DMD: variants seen among roughly 807,000 people sequenced by gnomAD.
DMD encodes mutant dystrophin.
In DMD, 63 loss-of-function variants were observed where a neutral mutation model predicts 330.1. That is an observed-to-expected ratio of 0.19 (90% CI 0.16 to 0.24). DMD has a LOEUF of 0.24. Ranked by LOEUF, DMD falls within the 10% of genes least tolerant of loss-of-function variation. The pLI, the probability that DMD is intolerant of heterozygous loss-of-function variation, is 1.00. For missense variants in DMD, 3,344 were observed against 2,684.1 expected, an observed-to-expected ratio of 1.25 and a Z score of -5.43; for synonymous variants, 1,223 against 959.8, an observed-to-expected ratio of 1.27 and a Z score of -5.07.
intron 61 of DMD, among the ~76,000 whole-genome samples, chrX:31,333,893 G>A (rs1435243979): frequency 2.9e-4 from 32 of 110,450 alleles, no homozygotes; most frequent in Non-Finnish European, 5.7e-5. Flanking sequence ...CAGAAGGGCG[G>A]TAAGGAGACT....
chrX:31,402,732 G>C (rs1188996757), intron 60 of DMD, among the ~76,000 whole-genome samples: 1 of 111,901 alleles, frequency 8.9e-6, no homozygotes, highest in African/African-American at 3.2e-5. Context: ...AGATCAAACA[G>C]GGTATTTGTG....
At position 32,596,130 on chromosome X, in the gene DMD, A is replaced by G. The variant is rs808541; in HGVS notation, c.1483-254T>C. ...GGTACAGCAGGATGTTCTCCTTCTC[A>G]TCCCACCCCCTTTCTCCCTTTCAAG... On this transcript the variant is annotated intron_variant, in intron 12 of 78. Transcript: ENST00000357033. Among the ~76,000 whole-genome samples the G allele has an allele frequency of 0.52, 56,410 of 109,210 alleles. 11,931 individuals carry two copies. Among genetic ancestry groups the G allele is most frequent in the African/African-American group, 0.8 (24,008 of 29,998 alleles). 94.8% of individuals were successfully genotyped at this position (109,210 alleles called of 115,157 possible). A position where few individuals can be genotyped will look rare whatever the true frequency, so the allele number is the denominator to read the frequency against.
intron 62 of DMD, 67 bp from the exon 63 acceptor site, chrX:31,261,083 GAAAAC>G: frequency 1.0e-6 from 1 of 971,092 alleles, no homozygotes; most frequent in Non-Finnish European, 1.5e-6. Flanking sequence ...CAGGAAAAAA[GAAAAC>G]AACAATAACA....
At chrX:32,903,075 T>C (rs1324975331) in intron 2 of DMD, among the ~76,000 whole-genome samples, 1 of 91,843 alleles carries the variant, frequency 1.1e-5, no homozygotes, top group African/African-American at 4.3e-5. Context: ...GAGAATCCCT[T>C]GAACCCGGGA....
chrX:31,253,632 G>GT (rs1456702737), intron 63 of DMD, among the ~76,000 whole-genome samples: 1 of 111,842 alleles, frequency 8.9e-6, no homozygotes, highest in African/African-American at 3.3e-5. Context: ...GCAAATTGCT[G>GT]ATTTATAATG....
intron 63 of DMD, among the ~76,000 whole-genome samples, chrX:31,240,301 T>A (rs146401575): frequency 7.1e-5 from 8 of 112,202 alleles, no homozygotes; most frequent in African/African-American, 2.3e-4. Flanking sequence ...GGGCATATTT[T>A]TATGTGTATG....
intron 53 of DMD, among the ~76,000 whole-genome samples, chrX:31,675,207 CT>C (rs1296779015): frequency 8.9e-6 from 1 of 112,258 alleles, no homozygotes; most frequent in African/African-American, 3.2e-5. Flanking sequence ...TGTTGATACT[CT>C]ATGCCATCTG....
At chrX:31,491,541 A>G (rs1413439338) in intron 57 of DMD, among the ~76,000 whole-genome samples, 1 of 112,416 alleles carries the variant, frequency 8.9e-6, no homozygotes, top group African/African-American at 3.2e-5. Flanking sequence ...TTGCTAAGGC[A>G]TATTTGAGCT....
intron 45 of DMD, among the ~76,000 whole-genome samples, chrX:31,941,731 G>A (rs1296577188): frequency 9.0e-6 from 1 of 110,851 alleles, no homozygotes; most frequent in Non-Finnish European, 1.9e-5. Flanking sequence ...AGTCCCCAAT[G>A]TCTATTGTTT....
intron 20 of DMD, among the ~76,000 whole-genome samples, chrX:32,490,130 C>T (rs2042855961): frequency 9.0e-6 from 1 of 111,530 alleles, no homozygotes; most frequent in Admixed American, 9.6e-5. Context: ...ACCTTGTCAC[C>T]TTTCCATGTC....
At chrX:31,404,032 A>T (rs754985580) in intron 60 of DMD, among the ~76,000 whole-genome samples, 4 of 110,296 alleles carry the variant, frequency 3.6e-5, no homozygotes, top group Non-Finnish European at 5.7e-5. Flanking sequence ...TCCTACCCCC[A>T]GCCTTCTTCA....
At chrX:33,299,865 C>T (rs778724325) in intron 1 of DMD, among the ~76,000 whole-genome samples, 38 of 111,660 alleles carry the variant, frequency 3.4e-4, no homozygotes, top group Admixed American at 3.2e-3. Flanking sequence ...TTGATGTTTC[C>T]GATGATCCTT....
intron 47 of DMD, among the ~76,000 whole-genome samples, chrX:31,914,741 TGGAGGAGTCGG>T (rs1243527861): frequency 8.9e-6 from 1 of 111,906 alleles, no homozygotes; most frequent in Non-Finnish European, 1.9e-5. Flanking sequence ...GGAAGGATAG[TGGAGGAGTCGG>T]GGAGGGGGCA....
chrX:31,649,030 T>C (rs2080281080), intron 54 of DMD, among the ~76,000 whole-genome samples: 1 of 111,703 alleles, frequency 9.0e-6, no homozygotes, highest in South Asian at 3.7e-4. Flanking sequence ...AATGAAAATA[T>C]AAATATAATT....
In DMD at chrX:31,363,119, A is replaced by G. The variant is rs964460411; in HGVS notation, c.9085-14485T>C. Among the ~76,000 whole-genome samples the G allele has an allele frequency of 2.7e-5, 3 of 112,259 alleles. No individual in the cohort carries two copies. In the South Asian group the frequency reaches 1.1e-3, roughly 41 times the overall value. On this transcript the variant is annotated intron_variant, in intron 60 of 78. Transcript: ENST00000357033. Reference sequence around the variant, plus strand: ...CAGATGATTCTTATCTGTTCACCAAACTAAGGTCTTTAAGGACTTTAACTA... The same window carrying G: ...CAGATGATTCTTATCTGTTCACCAAGCTAAGGTCTTTAAGGACTTTAACTA...
intron 52 of DMD, among the ~76,000 whole-genome samples, chrX:31,719,738 C>T (rs1446340026): frequency 9.0e-6 from 1 of 111,344 alleles, no homozygotes; most frequent in Non-Finnish European, 1.9e-5. Flanking sequence ...CAGGGCAAAA[C>T]TCATAGGTTG....
Position 32,937,007 on chromosome X carries a change from A to C in DMD, c.93+83132T>G, listed in dbSNP as rs1305950046. Among the ~76,000 whole-genome samples the C allele has an allele frequency of 9.8e-5, 11 of 111,686 alleles. No homozygotes were observed. In the East Asian group the frequency reaches 2.8e-3, roughly 29 times the overall value. ...GGGTAGTGTAAGCAAATTATCCCAC[A>C]TTAACTCAATCAGAGTCCCGGTAGA... is the stretch of plus-strand genomic sequence containing the variant. On this transcript the variant is annotated intron_variant, in intron 2 of 78. Coordinates refer to ENST00000357033, the MANE Select transcript of DMD (RefSeq NM_004006.3).
intron 2 of DMD, among the ~76,000 whole-genome samples, chrX:32,883,889 A>T (rs1465925430): frequency 9.3e-6 from 1 of 107,234 alleles, no homozygotes; most frequent in Non-Finnish European, 1.9e-5. Context: ...TTAGGCTCTT[A>T]AAAATGTATC....
chrX:31,749,517 C>G (rs1338486219), intron 51 of DMD, among the ~76,000 whole-genome samples: 1 of 107,836 alleles, frequency 9.3e-6, no homozygotes, highest in Non-Finnish European at 1.9e-5. Context: ...TGTATATGTG[C>G]CACATTTTCT....
Sources: allele counts gnomAD v4.1 joint callset (sites outside exome capture counted in the v4.1 genomes callset), GRCh38; gene constraint gnomAD v4.1.1; transcripts MANE v1.5; gene names NCBI Gene and HGNC (gene_info 2026-07-23, HGNC 2026-07-21).